The following NFIX variants were observed in gnomAD, a reference collection of about 807,000 sequenced individuals.
NFIX encodes the protein nuclear factor 1 X-type.
A neutral mutation model predicts 53.3 loss-of-function variants in NFIX; 2 were observed. The observed-to-expected ratio is 0.04, with a 90% confidence interval of 0.02 to 0.12. NFIX has a LOEUF of 0.12. NFIX is among the 10% of genes least tolerant of loss of function. The pLI is 1.00. For missense variants in NFIX, 310 were observed against 674.5 expected (o/e 0.46, Z 5.99); for synonymous variants, 244 against 289.0 (o/e 0.84, Z 1.58).
chr19:13,026,564 A>G (rs1470748229), intron 2 of NFIX, among the ~76,000 whole-genome samples: 5 of 151,910 alleles, frequency 3.3e-5, no homozygotes, highest in Admixed American at 6.5e-5. Context: ...TTTCTTACAA[A>G]TTGAAACAGA....
intron 1 of NFIX, among the ~76,000 whole-genome samples, chr19:13,008,359 C>T (rs2012140962): frequency 6.6e-6 from 1 of 152,174 alleles, no homozygotes; most frequent in South Asian, 2.1e-4. Context: ...GGGCTCTGAG[C>T]ACAGGGCCTG....
chr19:13,015,806 ACACACACG>A (rs921942528), intron 1 of NFIX, among the ~76,000 whole-genome samples: 4 of 143,828 alleles, frequency 2.8e-5, no homozygotes, highest in African/African-American at 1.1e-4. Flanking sequence ...ACACACACAC[ACACACACG>A]CACACGCACA....
chr19:13,010,899 A>C (rs563146286), intron 1 of NFIX, among the ~76,000 whole-genome samples: 12 of 152,222 alleles, frequency 7.9e-5, no homozygotes, highest in South Asian at 2.1e-4. Context: ...GCCTCCCCAT[A>C]TGTCCCTGGG....
rs2015165394 is a variant in NFIX at position 13,049,049 on chromosome 19, C to T, written c.559+23497C>T. Among the ~76,000 whole-genome samples, 1 of 152,024 alleles carries T rather than the reference C, an allele frequency of 6.6e-6. No homozygotes were observed. Among genetic ancestry groups the T allele is most frequent in the Non-Finnish European group, 1.5e-5 (1 of 68,016 alleles). On this transcript the variant is annotated intron_variant, in intron 2 of 10. Coordinates refer to ENST00000592199, the MANE Select transcript of NFIX (RefSeq NM_001365902.3). This position sits in a 1 kb window ranked among gnomAD's most constrained non-coding sequence, Gnocchi z 4.5. The stretch of plus-strand genomic sequence containing the variant: ...ACAAGATCGCGTCACTGTACCCCAG[C>T]CTGGGCGACAGAGCAAGACTCTGTC...
chr19:13,030,301 A>G (rs1481949035), intron 2 of NFIX, among the ~76,000 whole-genome samples: 2 of 152,166 alleles, frequency 1.3e-5, no homozygotes, highest in Non-Finnish European at 2.9e-5. Flanking sequence ...AAATTCTTCC[A>G]TTCTTCCATG....
chr19:13,036,529 G>T lies in NFIX; in HGVS notation c.559+10977G>T, dbSNP rs1213513854. On this transcript the variant is annotated intron_variant, in intron 2 of 10. Transcript: ENST00000592199. The surrounding 1 kb of genome is among the most constrained non-coding windows in gnomAD (Gnocchi z 4.7). ...AGGGTGACACCTGGTGACTCTTGTG[G>T]ACTGGGCGGAGCTGTGTGGAGCGAT... Among the ~76,000 whole-genome samples, 1 of 152,136 alleles carries T rather than the reference G, an allele frequency of 6.6e-6. No homozygotes were observed. The highest frequency in any genetic ancestry group is 1.5e-5 in the Non-Finnish European group (1 of 68,022).
rs939511246 is a variant in NFIX, at chr19:13,001,304, CCTCTCCATGT to C, written c.27+5444_27+5453del. Among the ~76,000 whole-genome samples the C allele has an allele frequency of 6.6e-6, 1 of 152,188 alleles. No homozygotes were observed. The highest frequency in any genetic ancestry group is 1.5e-5 in the Non-Finnish European group (1 of 68,038). Reference sequence around the variant, plus strand: ...GTGTCTGCCCGGGTCCCTCTCCATGCCTCTCCATGTCTCCCAGCGTCCATCACTGGGTGCT... The same window carrying C: ...GTGTCTGCCCGGGTCCCTCTCCATGCCTCCCAGCGTCCATCACTGGGTGCT... On this transcript the variant is annotated intron_variant, in intron 1 of 10. Transcript: ENST00000592199. The surrounding 1 kb of genome is among the most constrained non-coding windows in gnomAD (Gnocchi z 6.5).
At position 13,025,944 on chromosome 19, in the gene NFIX, G is replaced by A. The variant is rs1247905922; in HGVS notation, c.559+392G>A. ...CTCTTATTAAAATGAGTCAGAAGAA[G>A]TATTGAGGGGCAGGTGCTAGTTTTA... On this transcript the variant is annotated intron_variant, in intron 2 of 10. Transcript: ENST00000592199. The surrounding 1 kb of genome is among the most constrained non-coding windows in gnomAD (Gnocchi z 7.5). Among the ~76,000 whole-genome samples, 1 of 152,198 alleles carries A rather than the reference G, an allele frequency of 6.6e-6. No individual in the cohort carries two copies. Among genetic ancestry groups the A allele is most frequent in the East Asian group, 1.9e-4 (1 of 5,196 alleles).
chr19:13,046,351 C>T (rs192930628), intron 2 of NFIX, among the ~76,000 whole-genome samples: 2 of 152,204 alleles, frequency 1.3e-5, no homozygotes, highest in Admixed American at 6.5e-5. Context: ...CTGATGCCCT[C>T]CCAGCCCTTG....
At chr19:13,007,114 C>T (rs1427782644) in intron 1 of NFIX, among the ~76,000 whole-genome samples, 1 of 152,272 alleles carries the variant, frequency 6.6e-6, no homozygotes, top group Non-Finnish European at 1.5e-5. Context: ...GGTTCGCTCC[C>T]TCCCTTCCTC....
In NFIX at chr19:13,045,720, G is replaced by A. The variant is rs536226567; in HGVS notation, c.559+20168G>A. On this transcript the variant is annotated intron_variant, in intron 2 of 10. Coordinates refer to ENST00000592199, the MANE Select transcript of NFIX (RefSeq NM_001365902.3). The surrounding 1 kb of genome is among the most constrained non-coding windows in gnomAD (Gnocchi z 4.4). ...CCATGGCGGGCATCAGGGGACCACA[G>A]GCTGTGGTTGCGCCTGTCCGTTCTC... 6.6e-6 allele frequency among the ~76,000 whole-genome samples: 1 copy of A among 152,310 alleles called. No homozygotes were observed. Among genetic ancestry groups the A allele is most frequent in the African/African-American group, 2.4e-5 (1 of 41,574 alleles).
In NFIX at chr19:13,086,421, G is replaced by C. The variant is rs550593308; in HGVS notation, c.1255-1568G>C. ...TTCCAGGTCTGGCCAGTTGCAGCTGGGTGACTTAGGATAAACCATTTAATG... is the reference window on the plus strand; with the variant it reads ...TTCCAGGTCTGGCCAGTTGCAGCTGCGTGACTTAGGATAAACCATTTAATG... On this transcript the variant is annotated intron_variant, in intron 8 of 10. Coordinates refer to ENST00000592199, the MANE Select transcript of NFIX (RefSeq NM_001365902.3). Among the ~76,000 whole-genome samples, 3 of 152,302 alleles carry C rather than the reference G, an allele frequency of 2.0e-5. No individual in the cohort carries two copies. In the South Asian group the frequency reaches 6.2e-4, roughly 32 times the overall value.
rs760482321 is a variant in NFIX, at chr19:13,073,108, C to T, written c.621C>T (p.Asn207=). 6.6e-5 allele frequency: 106 copies of T among 1,613,654 alleles called. No homozygotes were observed. The highest frequency in any genetic ancestry group is 8.1e-5 in the Non-Finnish European group (96 of 1,179,658). ...ATGCGGACATCAAACCACTGCCCAA[C>T]GGTCAGTGCCCCCCACCTGCCCAGC... ...QGDADIKPLP[N]GHLSFQDCFV... The change falls in exon 3 of 11, where the codon AAC becomes AAT. Residue 207 remains asparagine (N), a splice_region_variant and synonymous_variant. Transcript: ENST00000592199. The surrounding 1 kb of genome is among the most constrained non-coding windows in gnomAD (Gnocchi z 4.5).
rs557440745 is a variant in NFIX at position 13,001,898 on chromosome 19, C to T, written c.27+6034C>T. ...CAGTGGCCTTGCTGGGGGCCCCGCC[C>T]GTGCCCCTGGCCTGGCGTGGACAGA... On this transcript the variant is annotated intron_variant, in intron 1 of 10. Transcript: ENST00000592199. This position sits in a 1 kb window ranked among gnomAD's most constrained non-coding sequence, Gnocchi z 6.5. 1.3e-3 allele frequency among the ~76,000 whole-genome samples: 199 copies of T among 152,356 alleles called. 1 individual carries two copies. Among genetic ancestry groups the T allele is most frequent in the Non-Finnish European group, 2.2e-3 (150 of 68,020 alleles).
Position 13,094,702 on chromosome 19 carries a change from G to A in NFIX, c.*53G>A, listed in dbSNP as rs2018335030. The stretch of plus-strand genomic sequence containing the variant: ...GAGAAGAAGAGGTTCCTCGAAAGGG[G>A]GGAGAAGAAATTTTGAGAATGGAAA... On this transcript the variant is annotated 3_prime_UTR_variant, in exon 11 of 11. Transcript: ENST00000592199. The surrounding 1 kb of genome is among the most constrained non-coding windows in gnomAD (Gnocchi z 4.3). 5.3e-6 allele frequency: 8 copies of A among 1,520,486 alleles called. No homozygotes were observed. Among genetic ancestry groups the A allele is most frequent in the Non-Finnish European group, 7.1e-6 (8 of 1,133,106 alleles). The allele number at this position is 1,520,486 out of a possible 1,614,324, so 94.2% of individuals were successfully genotyped here. A position where few individuals can be genotyped will look rare whatever the true frequency, so the allele number is the denominator to read the frequency against.
intron 1 of NFIX, among the ~76,000 whole-genome samples, chr19:12,999,840 T>G (rs539187435): frequency 2.0e-5 from 3 of 152,248 alleles, no homozygotes; most frequent in Non-Finnish European, 2.9e-5. Context: ...CTGTCCCTGC[T>G]CCGGCCTGGT....
rs1459308544 is a variant in NFIX, at chr19:13,011,502, G to A, written c.28-13519G>A. On this transcript the variant is annotated intron_variant, in intron 1 of 10. Coordinates refer to ENST00000592199, the MANE Select transcript of NFIX (RefSeq NM_001365902.3). This position sits in a 1 kb window ranked among gnomAD's most constrained non-coding sequence, Gnocchi z 6.5. ...CCTGCGCGCATCATGGACTTCAGGA[G>A]TGAGGGTGGGTGGGTTTTGGAGGGG... is the stretch of plus-strand genomic sequence containing the variant. Among the ~76,000 whole-genome samples the A allele has an allele frequency of 1.3e-5, 2 of 151,664 alleles. No individual in the cohort carries two copies. Among genetic ancestry groups the A allele is most frequent in the African/African-American group, 2.4e-5 (1 of 41,380 alleles).
chr19:13,075,747 G>A (rs1020414521), intron 6 of NFIX, 76 bp downstream of exon 6: 19 of 1,525,626 alleles, frequency 1.2e-5, no homozygotes, highest in Middle Eastern at 1.8e-4. Flanking sequence ...TTCACCTGGT[G>A]AGCCTCCCAC....
At chr19:13,034,549 G>T (rs2014047692) in intron 2 of NFIX, among the ~76,000 whole-genome samples, 1 of 152,228 alleles carries the variant, frequency 6.6e-6, no homozygotes, top group South Asian at 2.1e-4. Flanking sequence ...GTGAGGCCAG[G>T]CAGGTTCTGC....
Sources: allele counts gnomAD v4.1 joint callset (sites outside exome capture counted in the v4.1 genomes callset), GRCh38; gene constraint gnomAD v4.1.1; non-coding constraint Gnocchi (gnomAD v3.1); transcripts MANE v1.5; gene names NCBI Gene and HGNC (gene_info 2026-07-23, HGNC 2026-07-21).